Variants in VIM observed in about 807,000 individuals in gnomAD.
The protein encoded by VIM is vimentin.
Under a neutral mutation model 50.3 loss-of-function variants are expected in VIM, and 18 were observed. That is an observed-to-expected ratio of 0.36 (90% CI 0.25 to 0.53). VIM has a LOEUF of 0.53. Among genes scored for constraint, VIM ranks in the 20% least tolerant of loss-of-function variants. The pLI, the probability that VIM is intolerant of heterozygous loss-of-function variation, is 0.91. For missense variants in VIM, 551 were observed against 614.7 expected, an observed-to-expected ratio of 0.90 and a Z score of 1.10; for synonymous variants, 245 against 248.5, an observed-to-expected ratio of 0.99 and a Z score of 0.13.
Position 17,233,811 on chromosome 10 carries a change from C to G in VIM, c.762C>G (p.Val254=), listed in dbSNP as rs777132960. ...ELQAQIQEQH[V]QIDVDVSKPD... ...AGGCTCAGATTCAGGAACAGCATGTCCAAATCGATGTGGATGTTTCCAAGC... is the reference window on the plus strand; with the variant it reads ...AGGCTCAGATTCAGGAACAGCATGTGCAAATCGATGTGGATGTTTCCAAGC... Residue 254 remains valine (V), a synonymous_variant, in exon 5 of 10, where the codon GTC becomes GTG. Coordinates refer to ENST00000544301, the MANE Select transcript of VIM (RefSeq NM_003380.5). The G allele has an allele frequency of 6.7e-5, 108 of 1,614,056 alleles. No homozygotes were observed. Among genetic ancestry groups the G allele is most frequent in the Non-Finnish European group, 8.9e-5 (105 of 1,180,052 alleles).
chr10:17,236,963 A>C (rs1347381744), intron 9 of VIM, among the ~76,000 whole-genome samples: 2 of 152,184 alleles, frequency 1.3e-5, no homozygotes, highest in African/African-American at 2.4e-5. Flanking sequence ...GTGTACAACT[A>C]TTATACCATC....
Position 17,234,790 on chromosome 10 carries a change from C to T in VIM, c.980C>T (p.Thr327Ile). ...TACCGGAGACAGGTGCAGTCCCTCA[C>T]CTGTGAAGTGGATGCCCTTAAAGGA... ...TEYRRQVQSLTCEVDALKGTN... is the reference protein window; with the variant it reads ...TEYRRQVQSLICEVDALKGTN... Residue 327 changes from threonine (T) to isoleucine (I), a missense_variant, in exon 6 of 10, where the codon ACC becomes ATC. Physicochemically the swap from Thr to Ile is moderately conservative, Grantham distance 89 (BLOSUM62 -1). Around this residue, in one of 3 missense-constraint regions of VIM, gnomAD observed 394 missense variants for 437.5 expected, o/e 0.90. Transcript: ENST00000544301. 2.5e-6 allele frequency: 4 copies of T among 1,614,116 alleles called. No homozygotes were observed. Among genetic ancestry groups the T allele is most frequent in the Non-Finnish European group, 3.4e-6 (4 of 1,180,028 alleles).
intron 9 of VIM, among the ~76,000 whole-genome samples, chr10:17,236,831 G>T (rs1846897698): frequency 1.3e-5 from 2 of 152,166 alleles, no homozygotes; most frequent in Middle Eastern, 3.4e-3. Context: ...ACCTCCCTAT[G>T]CCAGGAAAGA....
intron 3 of VIM, among the ~76,000 whole-genome samples, chr10:17,233,034 G>A (rs576439951): frequency 1.4e-4 from 21 of 152,204 alleles, no homozygotes; most frequent in Non-Finnish European, 2.6e-4. Flanking sequence ...TGCAACCTCT[G>A]CCTCCTGGGT....
intron 3 of VIM, chr10:17,230,953 A>AGTG: frequency 4.3e-6 from 2 of 464,852 alleles, no homozygotes; most frequent in South Asian, 4.3e-5. Flanking sequence ...CCCAGGCTGG[A>AGTG]GTGCAGTGGC....
chr10:17,230,030 G>A, intron 2 of VIM, 45 bp downstream of exon 2: 1 of 1,560,466 alleles, frequency 6.4e-7, no homozygotes, highest in Non-Finnish European at 8.7e-7. Flanking sequence ...GGAGGGGGCT[G>A]GAGGGAGAGG....
rs140097843 is a variant in VIM, at chr10:17,232,363, G to C, written c.625-1224G>C. 8.8e-4 allele frequency among the ~76,000 whole-genome samples: 134 copies of C among 152,288 alleles called. 3 individuals are homozygous for C. The East Asian group carries it at 0.014, about 16-fold the overall frequency. ...GCAATCCTCACGCATCCTTTTGAGA[G>C]GAAATAAAATCTTAGTTGCAAGATT... is the stretch of plus-strand genomic sequence containing the variant. On this transcript the variant is annotated intron_variant, in intron 3 of 9. Coordinates refer to ENST00000544301, the MANE Select transcript of VIM (RefSeq NM_003380.5).
intron 9 of VIM, among the ~76,000 whole-genome samples, 163 bp downstream of exon 9, chr10:17,236,542 C>G (rs1310355880): frequency 6.6e-6 from 1 of 152,248 alleles, no homozygotes; most frequent in African/African-American, 2.4e-5. Context: ...GCAGTACACA[C>G]AGCCAACTAA....
chr10:17,235,653 A>C (rs1279233187), intron 7 of VIM, 193 bp from the exon 8 acceptor site: 1 of 710,256 alleles, frequency 1.4e-6, no homozygotes, highest in Non-Finnish European at 2.4e-6. Context: ...CTGTGGAGAA[A>C]ATGCTTGTAG....
chr10:17,233,856 G>A lies in VIM; in HGVS notation c.807G>A (p.Leu269=), dbSNP rs745874397. 9.9e-6 allele frequency: 16 copies of A among 1,614,032 alleles called. No individual in the cohort carries two copies. In the East Asian group the frequency reaches 3.3e-4, roughly 34 times the overall value. Residue 269 remains leucine, a synonymous_variant, in exon 5 of 10, where the codon CTG becomes CTA. Coordinates refer to ENST00000544301, the MANE Select transcript of VIM (RefSeq NM_003380.5). ...DVSKPDLTAA[L]RDVRQQYESV... ...CCAAGCCTGACCTCACGGCTGCCCTGCGTGACGTACGTCAGCAATATGAAA... is the reference window on the plus strand; with the variant it reads ...CCAAGCCTGACCTCACGGCTGCCCTACGTGACGTACGTCAGCAATATGAAA...
chr10:17,228,766 T>TCCTGCGCTGTGCGCGCC (rs949497363), intron 1 of VIM: 2 of 153,884 alleles, frequency 1.3e-5, no homozygotes, highest in African/African-American at 4.8e-5. Context: ...AGCCCTGCGT[T>TCCTGCGCTGTGCGCGCC]CCTGCGCTGT....
rs749293841 is a variant in VIM, at chr10:17,229,885, C to A, written c.463C>A (p.Arg155=). The A allele has an allele frequency of 1.9e-6, 3 of 1,611,196 alleles. No individual in the cohort carries two copies. Among genetic ancestry groups the A allele is most frequent in the Non-Finnish European group, 2.5e-6 (3 of 1,179,046 alleles). ...GGGGGACCTCTACGAGGAGGAGATG[C>A]GGGAGCTGCGCCGGCAGGTGGACCA... The part of the protein sequence containing the change: ...RLGDLYEEEM[R]ELRRQVDQLT... The change falls in exon 2 of 10, where the codon CGG becomes AGG. Residue 155 remains arginine (R), a synonymous_variant. Coordinates refer to ENST00000544301, the MANE Select transcript of VIM (RefSeq NM_003380.5).
intron 3 of VIM, among the ~76,000 whole-genome samples, chr10:17,231,715 T>C (rs1846802072): frequency 6.6e-6 from 1 of 151,840 alleles, no homozygotes; most frequent in African/African-American, 2.4e-5. Flanking sequence ...TAAAAAATAA[T>C]AACAGTAATA....
chr10:17,229,167 C>CCT, intron 1 of VIM, 109 bp from the exon 2 acceptor site: 1 of 195,414 alleles, frequency 5.1e-6, no homozygotes, highest in Non-Finnish European at 1.1e-5. Context: ...ACCCTCCCCG[C>CCT]TTCTCGCTAG....
chr10:17,235,642 C>T (rs781420077), intron 7 of VIM: 51 of 699,572 alleles, frequency 7.3e-5, no homozygotes, highest in Non-Finnish European at 1.1e-4. Flanking sequence ...TGTTCATGCT[C>T]CTGTGGAGAA....
Position 17,229,412 on chromosome 10 carries a change from C to T in VIM, c.-11C>T, listed in dbSNP as rs902216410. ...CCGCCGCCGCCCAGGCCATCGCCAC[C>T]CTCCGCAGCCATGTCCACCAGGTCC... On this transcript the variant is annotated 5_prime_UTR_variant, in exon 2 of 10. Coordinates refer to ENST00000544301, the MANE Select transcript of VIM (RefSeq NM_003380.5). 6.3e-7 allele frequency: 1 copy of T among 1,598,740 alleles called. No homozygotes were observed.
chr10:17,234,574 C>G (rs2131683005), intron 5 of VIM, 119 bp from the exon 6 acceptor site: 1 of 1,504,458 alleles, frequency 6.6e-7, no homozygotes, highest in Non-Finnish European at 9.1e-7. Context: ...CCCTGGCTTT[C>G]AAAACAGAAA....
In VIM at chr10:17,235,240, C is replaced by G. The variant is rs139818786; in HGVS notation, c.1080C>G (p.Asp360Glu). ...NFAVEAANYQ[D>E]TIGRLQDEIQ... ...CCGTTGAAGCTGCTAACTACCAAGA[C>G]ACTATTGGCCGCCTGCAGGATGAGA... is the stretch of plus-strand genomic sequence containing the variant. The change falls in exon 7 of 10, where the codon GAC becomes GAG. Residue 360 changes from aspartate to glutamate, a missense_variant. By Grantham distance (45) the Asp-to-Glu change is conservative (BLOSUM62 2). Transcript: ENST00000544301. 4.6e-5 allele frequency: 75 copies of G among 1,614,074 alleles called. No individual in the cohort carries two copies. The highest frequency in any genetic ancestry group is 6.2e-5 in the Non-Finnish European group (73 of 1,180,040).
intron 5 of VIM, among the ~76,000 whole-genome samples, chr10:17,234,400 C>T (rs965592878): frequency 5.3e-5 from 8 of 152,184 alleles, no homozygotes; most frequent in Non-Finnish European, 1.2e-4. Context: ...CAGGCATGCG[C>T]CACCACGCCT....
Sources: allele counts gnomAD v4.1 joint callset (sites outside exome capture counted in the v4.1 genomes callset), GRCh38; gene constraint gnomAD v4.1.1; regional missense constraint gnomAD v4.1.1; transcripts MANE v1.5; gene names NCBI Gene and HGNC (gene_info 2026-07-23, HGNC 2026-07-21).